Variants in TBCE observed in about 807,000 individuals in gnomAD.
The protein encoded by TBCE is tubulin folding cofactor E, also known as tubulin-specific chaperone E.
A neutral mutation model predicts 77.0 loss-of-function variants in TBCE; 53 were observed. The observed-to-expected ratio is 0.69, with a 90% CI of 0.55 to 0.87. The LOEUF is 0.87. Among genes scored for constraint, TBCE ranks in the 40% least tolerant of loss-of-function variants. The pLI is 0.00. For synonymous variants in TBCE, 235 were observed against 241.3 expected (o/e 0.97, Z 0.24); for missense variants, 624 against 622.4 (o/e 1.00, Z -0.03).
At chr1:235,427,769 TCCTGTAATCC>T (rs1403542428) in intron 6 of TBCE, among the ~76,000 whole-genome samples, 4 of 151,896 alleles carry the variant, frequency 2.6e-5, no homozygotes, top group African/African-American at 9.7e-5. Flanking sequence ...AGTGGCTCAC[TCCTGTAATCC>T]CAGCATTTTG....
At chr1:235,420,643 C>T (rs1033305574) in intron 5 of TBCE, among the ~76,000 whole-genome samples, 8 of 152,168 alleles carry the variant, frequency 5.3e-5, no homozygotes, top group Admixed American at 4.6e-4. Flanking sequence ...CCACCACGCC[C>T]AGCTAATTTT....
chr1:235,440,403 T>TA (rs1468178939), intron 13 of TBCE, among the ~76,000 whole-genome samples: 1 of 151,656 alleles, frequency 6.6e-6, no homozygotes, highest in Non-Finnish European at 1.5e-5. Flanking sequence ...TATATATATA[T>TA]TTTTTTGAGA....
intron 15 of TBCE, among the ~76,000 whole-genome samples, chr1:235,448,037 C>T (rs563192260): frequency 9.9e-5 from 15 of 151,920 alleles, no homozygotes; most frequent in Admixed American, 2.6e-4. Context: ...GGTGAAACCC[C>T]GTCTCTACTA....
At chr1:235,437,551 C>T (rs1037545922) in intron 12 of TBCE, 77 bp downstream of exon 12, 1 of 1,551,158 alleles carries the variant, frequency 6.4e-7, no homozygotes, top group Non-Finnish European at 8.8e-7. Context: ...GTGGCTCACA[C>T]CTGTAATCCC....
intron 16 of TBCE, 115 bp downstream of exon 16, chr1:235,448,555 G>T (rs1682639197): frequency 1.4e-6 from 2 of 1,395,370 alleles, no homozygotes; most frequent in Admixed American, 3.4e-5. Context: ...GGGTCTGTTT[G>T]TTTGATTTTA....
At chr1:235,397,377 AT>A (rs1472942335) in intron 2 of TBCE, among the ~76,000 whole-genome samples, 1 of 151,442 alleles carries the variant, frequency 6.6e-6, no homozygotes, top group Non-Finnish European at 1.5e-5. Flanking sequence ...AATTTTTTGT[AT>A]TTTTTAGTAG....
intron 2 of TBCE, among the ~76,000 whole-genome samples, chr1:235,394,492 C>T (rs1678610003): frequency 8.4e-6 from 1 of 119,602 alleles, no homozygotes; most frequent in Non-Finnish European, 1.6e-5. Flanking sequence ...GTAGTGCTAT[C>T]ATAGCTCACT....
chr1:235,369,286 A>G (rs1676749349), intron 1 of TBCE, among the ~76,000 whole-genome samples: 1 of 152,032 alleles, frequency 6.6e-6, no homozygotes, highest in South Asian at 2.1e-4. Context: ...AGGTGGGTGG[A>G]TCACGAGGTC....
chr1:235,395,551 T>C (rs1204534931), intron 2 of TBCE, among the ~76,000 whole-genome samples: 2 of 149,998 alleles, frequency 1.3e-5, no homozygotes, highest in African/African-American at 2.5e-5. Context: ...TCTTCTTCTT[T>C]TTTTTTTTTT....
At chr1:235,408,942 T>G (rs1471171951) in intron 3 of TBCE, among the ~76,000 whole-genome samples, 2 of 151,998 alleles carry the variant, frequency 1.3e-5, no homozygotes, top group Non-Finnish European at 2.9e-5. Context: ...TTGTGTAGTG[T>G]TGCCAGATTC....
rs10158459 is a variant in TBCE, at chr1:235,400,983, C to T, written c.101-520C>T. Among the ~76,000 whole-genome samples the T allele has an allele frequency of 9.3e-3, 1,401 of 150,918 alleles. 18 individuals carry two copies. Among genetic ancestry groups the T allele is most frequent in the African/African-American group, 0.033 (1,353 of 41,108 alleles). On this transcript the variant is annotated intron_variant, in intron 2 of 16. Transcript: ENST00000642610. The stretch of plus-strand genomic sequence containing the variant: ...CCTTGCAAAGTGCTGGGACTACAGG[C>T]GTAAGCCACTGTGCCTGGGCTTTTT...
intron 4 of TBCE, among the ~76,000 whole-genome samples, chr1:235,416,990 A>G (rs1468832954): frequency 6.6e-6 from 1 of 152,224 alleles, no homozygotes; most frequent in East Asian, 1.9e-4. Flanking sequence ...TGTTGTGAAT[A>G]ACAAATGAGA....
intron 15 of TBCE, among the ~76,000 whole-genome samples, chr1:235,443,295 G>C: frequency 6.6e-6 from 1 of 152,048 alleles, no homozygotes; most frequent in Non-Finnish European, 1.5e-5. Flanking sequence ...TCTGCTTCCT[G>C]GGCCCAAGCA....
intron 3 of TBCE, among the ~76,000 whole-genome samples, chr1:235,404,447 A>G (rs1191025574): frequency 6.6e-6 from 1 of 151,934 alleles, no homozygotes; most frequent in Non-Finnish European, 1.5e-5. Context: ...AGAAAATGGT[A>G]TGCCTGCATA....
chr1:235,371,899 C>G (rs897959188), intron 1 of TBCE, among the ~76,000 whole-genome samples: 2 of 152,146 alleles, frequency 1.3e-5, no homozygotes, highest in African/African-American at 4.8e-5. Flanking sequence ...GTCTCGAACT[C>G]CTGACCTCAG....
intron 11 of TBCE, 52 bp downstream of exon 11, chr1:235,436,660 A>C: frequency 8.9e-5 from 135 of 1,512,474 alleles, no homozygotes; most frequent in Non-Finnish European, 1.1e-4. Flanking sequence ...TTCCACTCTC[A>C]TGGCAGAGTT....
intron 13 of TBCE, chr1:235,441,430 G>T (rs1223581896): frequency 3.6e-6 from 1 of 278,040 alleles, no homozygotes; most frequent in Non-Finnish European, 6.9e-6. Context: ...GTTACCAAAG[G>T]TGACACTCGG....
chr1:235,408,741 T>G (rs1344823632), intron 3 of TBCE, among the ~76,000 whole-genome samples: 1 of 152,190 alleles, frequency 6.6e-6, no homozygotes, highest in East Asian at 1.9e-4. Flanking sequence ...AGTTCTCCTC[T>G]CCTGATGAAC....
At chr1:235,391,394 A>G (rs1327937764) in intron 2 of TBCE, among the ~76,000 whole-genome samples, 1 of 151,288 alleles carries the variant, frequency 6.6e-6, no homozygotes, top group Non-Finnish European at 1.5e-5. Flanking sequence ...CTGAGGCAAG[A>G]TAATTGCTTA....
Sources: gnomAD v4.1 joint callset for allele counts (sites outside exome capture counted in the v4.1 genomes callset) on GRCh38, gnomAD v4.1.1 for gene constraint, MANE v1.5 for transcripts, NCBI Gene and HGNC (gene_info 2026-07-23, HGNC 2026-07-21) for gene names.